The following SAMMSON variants were observed in gnomAD, a reference collection of about 807,000 sequenced individuals.
SAMMSON encodes the protein long intergenic non-protein coding RNA 1212.
intron 7 of SAMMSON, among the ~76,000 whole-genome samples, chr3:70,320,536 C>G (rs1015309060): frequency 1.3e-5 from 2 of 152,058 alleles, no homozygotes; most frequent in African/African-American, 4.8e-5. Context: ...TCTATACTTT[C>G]ATTTCAAGTC....
chr3:70,173,457 A>G (rs915832911), intron 4 of SAMMSON, among the ~76,000 whole-genome samples: 5 of 151,972 alleles, frequency 3.3e-5, no homozygotes, highest in Admixed American at 6.6e-5. Flanking sequence ...AGTAACAACC[A>G]AAATCTACTT....
At chr3:70,017,149 T>A (rs1384872118) in intron 3 of SAMMSON, among the ~76,000 whole-genome samples, 2 of 152,216 alleles carry the variant, frequency 1.3e-5, no homozygotes, top group Non-Finnish European at 2.9e-5. Context: ...TTGATGGGGA[T>A]GGCATTGAAT....
At chr3:70,000,376 A>C (rs773575761) in intron 1 of SAMMSON, among the ~76,000 whole-genome samples, 2 of 152,206 alleles carry the variant, frequency 1.3e-5, no homozygotes, top group Non-Finnish European at 2.9e-5. Context: ...ATAGAGATAA[A>C]GTTATTATTG....
At chr3:70,182,096 C>T (rs1480176459) in intron 4 of SAMMSON, among the ~76,000 whole-genome samples, 1 of 152,056 alleles carries the variant, frequency 6.6e-6, no homozygotes, top group Non-Finnish European at 1.5e-5. Flanking sequence ...GGCTGGAGGT[C>T]CTCATTTTGC....
chr3:70,019,718 T>A (rs1212185734), intron 3 of SAMMSON, among the ~76,000 whole-genome samples: 5 of 152,202 alleles, frequency 3.3e-5, no homozygotes, highest in Non-Finnish European at 5.9e-5. Flanking sequence ...CAGTGTCTGG[T>A]ACCGGTTGTT....
chr3:70,418,903 G>A (rs1386315489), intron 2 of SAMMSON, among the ~76,000 whole-genome samples: 1 of 124,806 alleles, frequency 8.0e-6, no homozygotes, highest in African/African-American at 3.1e-5. Flanking sequence ...AAAATCCAAG[G>A]GTTTGATGTT....
intron 6 of SAMMSON, among the ~76,000 whole-genome samples, chr3:70,272,760 C>T (rs376908002): frequency 2.0e-5 from 3 of 152,114 alleles, no homozygotes; most frequent in Non-Finnish European, 4.4e-5. Context: ...CTCTAAATTC[C>T]CCTTGCTTTC....
At chr3:70,224,582 T>C (rs1467462336) in intron 4 of SAMMSON, among the ~76,000 whole-genome samples, 3 of 152,182 alleles carry the variant, frequency 2.0e-5, no homozygotes, top group Non-Finnish European at 4.4e-5. Flanking sequence ...ACTAAGTGTC[T>C]GACTTTACAA....
At chr3:70,141,040 C>CT (rs1338359368) in intron 4 of SAMMSON, among the ~76,000 whole-genome samples, 2 of 151,532 alleles carry the variant, frequency 1.3e-5, no homozygotes, top group Non-Finnish European at 2.9e-5. Context: ...TTTTTATTTT[C>CT]TTTTTCTAGC....
chr3:70,194,340 A>C lies in SAMMSON; in HGVS notation n.508-54767A>C, dbSNP rs200022693. ...TCACAGGCCTTCATCATTGCAGAAA[A>C]TATCTGAGCCTTCTCAGATTCTGAT... is the stretch of plus-strand genomic sequence containing the variant. On this transcript the variant is annotated intron_variant and non_coding_transcript_variant, in intron 4 of 9. Transcript: ENST00000642114. 4.3e-4 allele frequency among the ~76,000 whole-genome samples: 66 copies of C among 152,330 alleles called. 1 individual carries two copies. Among genetic ancestry groups the C allele is most frequent in the East Asian group, 3.9e-3 (20 of 5,182 alleles).
chr3:70,164,603 G>C (rs148124911), intron 4 of SAMMSON, among the ~76,000 whole-genome samples: 11 of 152,112 alleles, frequency 7.2e-5, no homozygotes, highest in Admixed American at 4.6e-4. Context: ...AATCAAGGTA[G>C]TATGCATAGT....
intron 9 of SAMMSON, among the ~76,000 whole-genome samples, chr3:70,386,147 G>A (rs1450610788): frequency 6.6e-6 from 1 of 152,084 alleles, no homozygotes; most frequent in East Asian, 1.9e-4. Context: ...GAAAACATGA[G>A]TGAAAATCGC....
chr3:70,349,857 C>A (rs1324262470), intron 7 of SAMMSON, among the ~76,000 whole-genome samples: 1 of 152,158 alleles, frequency 6.6e-6, no homozygotes, highest in Non-Finnish European at 1.5e-5. Flanking sequence ...CAAACTCATC[C>A]TTCTATCACT....
intron 4 of SAMMSON, among the ~76,000 whole-genome samples, chr3:70,124,099 A>G (rs2067445949): frequency 6.6e-6 from 1 of 152,152 alleles, no homozygotes; most frequent in Admixed American, 6.5e-5. Context: ...TTTCCTGAAC[A>G]TTCTCTCACC....
intron 6 of SAMMSON, among the ~76,000 whole-genome samples, chr3:70,253,214 T>G (rs889164504): frequency 1.3e-5 from 2 of 152,220 alleles, no homozygotes; most frequent in African/African-American, 4.8e-5. Flanking sequence ...GGGTCAGTCC[T>G]TACTGAGAAG....
chr3:70,247,272 A>G (rs1323927438), intron 4 of SAMMSON, among the ~76,000 whole-genome samples: 1 of 151,914 alleles, frequency 6.6e-6, no homozygotes, highest in African/African-American at 2.4e-5. Context: ...GCAAGGTGAA[A>G]TTTGACACCT....
chr3:70,388,824 T>C (rs1416169312), intron 9 of SAMMSON, among the ~76,000 whole-genome samples: 3 of 152,158 alleles, frequency 2.0e-5, no homozygotes, highest in African/African-American at 4.8e-5. Flanking sequence ...TAAGTTTCTA[T>C]GGTTTGGATG....
chr3:70,098,339 C>T (rs1180282528), intron 4 of SAMMSON, among the ~76,000 whole-genome samples: 1 of 152,092 alleles, frequency 6.6e-6, no homozygotes, highest in African/African-American at 2.4e-5. Flanking sequence ...GTTCTCCCTA[C>T]TGCCACCTGA....
intron 6 of SAMMSON, among the ~76,000 whole-genome samples, chr3:70,272,567 C>T (rs1465108725): frequency 6.6e-6 from 1 of 152,102 alleles, no homozygotes; most frequent in East Asian, 1.9e-4. Flanking sequence ...ATAAACATTC[C>T]CGTACAGGTC....
Sources: gnomAD v4.1 joint callset for allele counts (sites outside exome capture counted in the v4.1 genomes callset) on GRCh38, gnomAD v4.1.1 for gene constraint, MANE v1.5 for transcripts, NCBI Gene and HGNC (gene_info 2026-07-23, HGNC 2026-07-21) for gene names.